The following RBFOX1 variants were observed in gnomAD, a reference collection of about 807,000 sequenced individuals.
RBFOX1 encodes the protein RNA binding protein fox-1 homolog 1.
A neutral mutation model predicts 57.7 loss-of-function variants in RBFOX1; 8 were observed. The ratio of observed to expected loss-of-function variants is 0.14; its 90% CI spans 0.08 to 0.25. RBFOX1 has a LOEUF of 0.25. Among genes scored for constraint, RBFOX1 ranks in the 10% least tolerant of loss-of-function variants. The probability of loss-of-function intolerance (pLI) is 1.00; values close to 1 mark genes in which losing one functional copy is unlikely to be tolerated. For missense variants in RBFOX1, 611 were observed against 548.5 expected (o/e 1.11, Z -1.14); for synonymous variants, 326 against 222.4 (o/e 1.47, Z -4.15).
chr16:7,078,473 G>C (rs1423982204), intron 4 of RBFOX1, among the ~76,000 whole-genome samples: 1 of 151,812 alleles, frequency 6.6e-6, no homozygotes, highest in Non-Finnish European at 1.5e-5. Context: ...TCAGTCTCCC[G>C]AGTAGCTGGG....
intron 4 of RBFOX1, among the ~76,000 whole-genome samples, chr16:7,289,824 C>A (rs543048047): frequency 2.0e-5 from 3 of 152,196 alleles, no homozygotes; most frequent in South Asian, 4.2e-4. Flanking sequence ...AATAAGGATC[C>A]AAGACTCAGG....
chr16:6,926,272 G>A (rs920834682), intron 3 of RBFOX1, among the ~76,000 whole-genome samples: 6 of 151,984 alleles, frequency 3.9e-5, no homozygotes, highest in African/African-American at 1.2e-4. Flanking sequence ...ACACCACTGC[G>A]CTACAGCCTG....
At chr16:6,808,160 A>ATATGTG (rs2087395779) in intron 3 of RBFOX1, among the ~76,000 whole-genome samples, 4 of 140,098 alleles carry the variant, frequency 2.9e-5, no homozygotes, top group Admixed American at 2.2e-4. Flanking sequence ...TACCTTATAT[A>ATATGTG]TGTGTGTGTG....
At chr16:5,722,387 T>C (rs1678127989) in intron 3 of RBFOX1, among the ~76,000 whole-genome samples, 1 of 152,188 alleles carries the variant, frequency 6.6e-6, no homozygotes, top group African/African-American at 2.4e-5. Flanking sequence ...TGAAATATGT[T>C]TTTAATTATA....
At chr16:7,057,387 C>A (rs1054621079) in intron 4 of RBFOX1, among the ~76,000 whole-genome samples, 2 of 152,180 alleles carry the variant, frequency 1.3e-5, no homozygotes, top group African/African-American at 4.8e-5. Context: ...ATGTCTTGCT[C>A]ATCTCCTGTC....
intron 2 of RBFOX1, among the ~76,000 whole-genome samples, chr16:6,611,601 C>G (rs903467189): frequency 1.3e-5 from 2 of 152,206 alleles, no homozygotes; most frequent in Non-Finnish European, 2.9e-5. Flanking sequence ...TATCCGTGTT[C>G]CGCTGTTCAA....
At chr16:7,636,570 T>G (rs1009419460) in intron 11 of RBFOX1, among the ~76,000 whole-genome samples, 3 of 152,244 alleles carry the variant, frequency 2.0e-5, no homozygotes, top group African/African-American at 7.2e-5. Flanking sequence ...TGTATCTGTC[T>G]TTTCTGATCA....
chr16:6,566,336 G>A (rs1033414374), intron 2 of RBFOX1, among the ~76,000 whole-genome samples: 1 of 152,188 alleles, frequency 6.6e-6, no homozygotes, highest in Non-Finnish European at 1.5e-5. Flanking sequence ...CCTGTCAAAA[G>A]CAGTACCTTT....
intron 4 of RBFOX1, among the ~76,000 whole-genome samples, chr16:7,457,451 A>G (rs1412269388): frequency 6.6e-6 from 1 of 152,198 alleles, no homozygotes; most frequent in Non-Finnish European, 1.5e-5. Flanking sequence ...ACGTACACGG[A>G]CACATCTATT....
intron 4 of RBFOX1, among the ~76,000 whole-genome samples, chr16:7,054,305 T>G (rs1216217020): frequency 7.9e-6 from 1 of 126,042 alleles, no homozygotes; most frequent in Admixed American, 9.7e-5. Flanking sequence ...CGTGGCGCAA[T>G]CTCAGTTCAC....
intron 2 of RBFOX1, among the ~76,000 whole-genome samples, chr16:5,565,419 A>C (rs2151116973): frequency 6.6e-6 from 1 of 152,154 alleles, no homozygotes; most frequent in Middle Eastern, 3.4e-3. Context: ...TGAGGTTGGG[A>C]GTTCAAAAGC....
chr16:7,177,540 T>C (rs570333502), intron 4 of RBFOX1, among the ~76,000 whole-genome samples: 2 of 152,244 alleles, frequency 1.3e-5, no homozygotes, highest in Admixed American at 1.3e-4. Flanking sequence ...TTTATATGGT[T>C]TTCTACCTTG....
At chr16:6,994,444 C>G (rs1214649337) in intron 3 of RBFOX1, among the ~76,000 whole-genome samples, 3 of 152,138 alleles carry the variant, frequency 2.0e-5, no homozygotes, top group Non-Finnish European at 4.4e-5. Context: ...CCACCCCCAG[C>G]TCTCTCTTTT....
chr16:6,210,317 G>GAAAAAAA (rs796379157), intron 1 of RBFOX1, among the ~76,000 whole-genome samples: 1 of 14,432 alleles, frequency 6.9e-5, no homozygotes, highest in African/African-American at 2.0e-4. Flanking sequence ...AATTCTGTCT[G>GAAAAAAA]AAAAAAAAAA....
At chr16:5,936,222 C>G (rs1324984403) in intron 4 of RBFOX1, among the ~76,000 whole-genome samples, 2 of 152,130 alleles carry the variant, frequency 1.3e-5, no homozygotes, top group Non-Finnish European at 2.9e-5. Flanking sequence ...CTCCCAGGTT[C>G]AAGCGATTCT....
chr16:7,454,387 C>CTTTG lies in RBFOX1; in HGVS notation c.28-63760_28-63759insTTTG, dbSNP rs1410404138. On this transcript the variant is annotated intron_variant, in intron 4 of 15. Transcript: ENST00000550418. Reference sequence around the variant, plus strand: ...TTGCCAGATTTTCTTAAAACTGTACCATATCAAAGGCAGATTGTCTCCCAA... The same window carrying CTTTG: ...TTGCCAGATTTTCTTAAAACTGTACCTTTGATATCAAAGGCAGATTGTCTCCCAA... 1.2e-3 allele frequency among the ~76,000 whole-genome samples: 190 copies of CTTTG among 152,302 alleles called. 2 individuals are homozygous for CTTTG. The highest frequency in any genetic ancestry group is 4.0e-3 in the African/African-American group (165 of 41,546).
chr16:5,779,541 A>G (rs904924828), intron 3 of RBFOX1, among the ~76,000 whole-genome samples: 1 of 152,218 alleles, frequency 6.6e-6, no homozygotes, highest in African/African-American at 2.4e-5. Flanking sequence ...TCAAACGTCC[A>G]TGTATCCAAG....
At chr16:5,294,903 G>A (rs12919228) in intron 1 of RBFOX1, among the ~76,000 whole-genome samples, 121,124 of 148,544 alleles carry the variant, frequency 0.82, 49,642 homozygotes, top group East Asian at 0.88. Context: ...GGTGGTGCAC[G>A]CCTTTGATCC....
intron 4 of RBFOX1, among the ~76,000 whole-genome samples, chr16:7,453,718 C>G (rs1424640441): frequency 4.6e-5 from 7 of 152,142 alleles, no homozygotes; most frequent in African/African-American, 1.7e-4. Flanking sequence ...AGCATCCTTG[C>G]CTCTGAGCAA....
Sources: gnomAD v4.1 joint callset for allele counts (sites outside exome capture counted in the v4.1 genomes callset) on GRCh38, gnomAD v4.1.1 for gene constraint, MANE v1.5 for transcripts, NCBI Gene and HGNC (gene_info 2026-07-23, HGNC 2026-07-21) for gene names.